PTBP3: variants seen among roughly 807,000 people sequenced by gnomAD.
PTBP3 encodes polypyrimidine tract-binding protein 3.
A neutral mutation model predicts 58.7 loss-of-function variants in PTBP3; 20 were observed. The observed-to-expected ratio is 0.34, with a 90% CI of 0.24 to 0.50. The LOEUF (loss-of-function observed/expected upper bound fraction) is 0.50, where lower values mean the gene tolerates loss of function less well. Among genes scored for constraint, PTBP3 ranks in the 20% least tolerant of loss-of-function variants. PTBP3 has a pLI of 0.98. For missense variants in PTBP3, 509 were observed against 637.2 expected (o/e 0.80, Z 2.17); for synonymous variants, 185 against 219.8 (o/e 0.84, Z 1.40).
Position 112,250,994 on chromosome 9 carries a change from G to A in PTBP3, c.737C>T (p.Thr246Ile). The A allele has an allele frequency of 6.2e-7, 1 of 1,612,556 alleles. No individual in the cohort carries two copies. The highest frequency in any genetic ancestry group is 8.5e-7 in the Non-Finnish European group (1 of 1,179,212). The change falls in exon 7 of 14, where the codon ACT (threonine) becomes ATT (isoleucine). Residue 246 changes from threonine (T) to isoleucine (I), a missense_variant. Around this residue, in one of 4 missense-constraint regions of PTBP3, gnomAD observed 121 missense variants for 114.8 expected, o/e 1.05. Coordinates refer to ENST00000374257, the MANE Select transcript of PTBP3 (RefSeq NM_001163788.4). ...ATCACCAGTAGGAAGGTCTAAGCGAGTGAAGTCTCTGCTTTTGTCATTATT... is the reference window on the plus strand; with the variant it reads ...ATCACCAGTAGGAAGGTCTAAGCGAATGAAGTCTCTGCTTTTGTCATTATT... Reference protein sequence around the residue: ...KYNNDKSRDFTRLDLPTGDGQ... With the variant: ...KYNNDKSRDFIRLDLPTGDGQ...
At chr9:112,292,310 A>T (rs1322340972) in intron 2 of PTBP3, among the ~76,000 whole-genome samples, 1 of 152,236 alleles carries the variant, frequency 6.6e-6, no homozygotes, top group African/African-American at 2.4e-5. Flanking sequence ...GGAAAAACTG[A>T]AACCCCTGTG....
intron 7 of PTBP3, among the ~76,000 whole-genome samples, chr9:112,242,315 G>A (rs6477902): frequency 0.85 from 129,035 of 152,166 alleles, 55,134 homozygotes; most frequent in African/African-American, 0.95. Flanking sequence ...AAATTTCACA[G>A]ATCACCAGGC....
chr9:112,278,156 A>T (rs1478028519), intron 2 of PTBP3, among the ~76,000 whole-genome samples: 1 of 152,150 alleles, frequency 6.6e-6, no homozygotes, highest in Admixed American at 6.5e-5. Flanking sequence ...TTCTTTTTTT[A>T]AACCACAAAA....
rs774065264 is a variant in PTBP3, at chr9:112,220,394, A to T, written c.*3457T>A. The T allele has an allele frequency of 6.7e-5, 81 of 1,216,500 alleles. No homozygotes were observed. The highest frequency in any genetic ancestry group is 7.3e-5 in the Non-Finnish European group (70 of 956,682). The allele number at this position is 1,216,500 out of a possible 1,614,324, so 75.4% of individuals were successfully genotyped here. Reference sequence around the variant, plus strand: ...GACCCCTAAAAATAAAATAAAGTAAAATAAAAAGAAATTGAGCAGAGGCAT... The same window carrying T: ...GACCCCTAAAAATAAAATAAAGTAATATAAAAAGAAATTGAGCAGAGGCAT... On this transcript the variant is annotated 3_prime_UTR_variant, in exon 14 of 14. Transcript: ENST00000374257.
At chr9:112,322,525 C>CT (rs2132450585) in intron 1 of PTBP3, among the ~76,000 whole-genome samples, 1 of 152,320 alleles carries the variant, frequency 6.6e-6, no homozygotes, top group Admixed American at 6.5e-5. Context: ...GGCTCAGACT[C>CT]TAGAAGAGGG....
At chr9:112,227,381 T>C in intron 12 of PTBP3, 30 bp downstream of exon 12, 1 of 1,596,286 alleles carries the variant, frequency 6.3e-7, no homozygotes, top group Non-Finnish European at 8.6e-7. Context: ...ATTCATCATC[T>C]AAGTGATTAA....
At chr9:112,306,604 ATT>A (rs1554802909) in intron 1 of PTBP3, among the ~76,000 whole-genome samples, 1 of 104,040 alleles carries the variant, frequency 9.6e-6, no homozygotes, top group African/African-American at 6.8e-5. Flanking sequence ...ATATATATAT[ATT>A]TTTGTTTGTT....
chr9:112,283,356 G>A (rs4297100), intron 2 of PTBP3, among the ~76,000 whole-genome samples: 127,906 of 152,176 alleles, frequency 0.84, 54,044 homozygotes, highest in African/African-American at 0.92. Flanking sequence ...GCTGATAGTG[G>A]TATGGACAAT....
the PTBP3 span, among the ~76,000 whole-genome samples, chr9:112,375,513 C>G: frequency 6.6e-6 from 1 of 152,234 alleles, no homozygotes; most frequent in East Asian, 1.9e-4. Context: ...ATCTGTGAAC[C>G]GGGCCCTAGT....
Position 112,231,994 on chromosome 9 carries a change from G to A in PTBP3, c.1020+105C>T, listed in dbSNP as rs878906211. On this transcript the variant is annotated intron_variant, in intron 9 of 13. Coordinates refer to ENST00000374257, the MANE Select transcript of PTBP3 (RefSeq NM_001163788.4). ...GAGAAGAGAAGAGAAGAGAAGAGAA[G>A]AGAAGAGAAGAGAAGAGAAGAGAAG... is the stretch of plus-strand genomic sequence containing the variant. 9 of 529,982 alleles carry A rather than the reference G, an allele frequency of 1.7e-5. No individual in the cohort carries two copies. In the African/African-American group the frequency reaches 3.1e-4, roughly 18 times the overall value. 32.8% of individuals were successfully genotyped at this position (529,982 alleles called of 1,614,324 possible). A position where few individuals can be genotyped will look rare whatever the true frequency, so the allele number is the denominator to read the frequency against.
chr9:112,267,120 A>G (rs984670565), intron 4 of PTBP3, among the ~76,000 whole-genome samples: 1 of 152,160 alleles, frequency 6.6e-6, no homozygotes, highest in Non-Finnish European at 1.5e-5. Context: ...GCAAGAATAC[A>G]GAGGCCAAAC....
At chr9:112,239,819 G>GGAAGGGAGGA in intron 7 of PTBP3, among the ~76,000 whole-genome samples, 1 of 108,178 alleles carries the variant, frequency 9.2e-6, no homozygotes, top group Middle Eastern at 5.6e-3. Context: ...GGAAGGAAGG[G>GGAAGGGAGGA]AGGAAGGGAG....
In PTBP3 at chr9:112,223,884, G is replaced by A. The variant is rs781647787; in HGVS notation, c.1542C>T (p.His514=). Residue 514 remains histidine (H), a synonymous_variant, in exon 14 of 14, where the codon CAC becomes CAT. Transcript: ENST00000374257. ...LHNHDLGENH[H]LRVSFSKSTI is the part of the protein sequence containing the mutation. ...TAGATTTTGAGAAGGAAACTCTGAG[G>A]TGGTGATTTTCTCCAAGGTCATGGT... 1 of 1,613,398 alleles carries A rather than the reference G, an allele frequency of 6.2e-7. No homozygotes were observed. The highest frequency in any genetic ancestry group is 8.5e-7 in the Non-Finnish European group (1 of 1,179,488).
At chr9:112,255,724 A>T (rs577996902) in intron 5 of PTBP3, among the ~76,000 whole-genome samples, 4 of 152,330 alleles carry the variant, frequency 2.6e-5, no homozygotes, top group African/African-American at 9.6e-5. Context: ...TACTCTATTT[A>T]CATCAACAAT....
intron 3 of PTBP3, among the ~76,000 whole-genome samples, chr9:112,269,948 C>T (rs920614230): frequency 2.8e-5 from 4 of 143,048 alleles, no homozygotes; most frequent in African/African-American, 1.0e-4. Flanking sequence ...TCCAAATCTT[C>T]TTTTTTTTTT....
At chr9:112,364,584 G>A in the PTBP3 span, among the ~76,000 whole-genome samples, 1 of 152,154 alleles carries the variant, frequency 6.6e-6, no homozygotes, top group Non-Finnish European at 1.5e-5. Flanking sequence ...AGTGAGCTAT[G>A]ATCACGCCAC....
the PTBP3 span, among the ~76,000 whole-genome samples, chr9:112,366,218 G>C: frequency 6.6e-6 from 1 of 151,766 alleles, no homozygotes; most frequent in East Asian, 1.9e-4. Flanking sequence ...AGGAAGCGGA[G>C]ATTGCAGTGA....
chr9:112,267,011 T>A (rs1303881981), intron 4 of PTBP3, among the ~76,000 whole-genome samples: 1 of 152,240 alleles, frequency 6.6e-6, no homozygotes, highest in Non-Finnish European at 1.5e-5. Context: ...ATGCAGTAAA[T>A]GTCGCTGTTT....
At position 112,298,516 on chromosome 9, in the gene PTBP3, T is replaced by G. The variant is rs780014825; in HGVS notation, c.-51-600A>C. 40 of 503,654 alleles carry G rather than the reference T, an allele frequency of 7.9e-5. No homozygotes were observed. The Admixed American group carries it at 8.0e-4, about 10-fold the overall frequency. 31.2% of individuals were successfully genotyped at this position (503,654 alleles called of 1,614,324 possible). ...CTAAAAAGTAACTCAGAGAAGTCTT[T>G]TCATTGTAATGTAAGATCTACCACC... On this transcript the variant is annotated intron_variant, in intron 1 of 13. Coordinates refer to ENST00000374257, the MANE Select transcript of PTBP3 (RefSeq NM_001163788.4).
Sources: allele counts gnomAD v4.1 joint callset (sites outside exome capture counted in the v4.1 genomes callset), GRCh38; gene constraint gnomAD v4.1.1; regional missense constraint gnomAD v4.1.1; transcripts MANE v1.5; gene names NCBI Gene and HGNC (gene_info 2026-07-23, HGNC 2026-07-21).